FRMD4A: variants seen among roughly 807,000 people sequenced by gnomAD.
The protein encoded by FRMD4A is FERM domain containing 4A.
Under a neutral mutation model 129.1 loss-of-function variants are expected in FRMD4A, and 29 were observed. The ratio of observed to expected loss-of-function variants is 0.22; its 90% CI spans 0.17 to 0.31. The LOEUF (loss-of-function observed/expected upper bound fraction) is 0.31, where lower values mean the gene tolerates loss of function less well. FRMD4A is among the 10% of genes least tolerant of loss of function. The probability of loss-of-function intolerance (pLI) is 1.00; values close to 1 mark genes in which losing one functional copy is unlikely to be tolerated. For missense variants in FRMD4A, 1,272 were observed against 1,375.8 expected, an observed-to-expected ratio of 0.92 and a Z score of 1.19; for synonymous variants, 634 against 571.6, an observed-to-expected ratio of 1.11 and a Z score of -1.56.
chr10:14,060,790 A>G (rs911928529), intron 2 of FRMD4A, among the ~76,000 whole-genome samples: 4 of 152,206 alleles, frequency 2.6e-5, no homozygotes, highest in African/African-American at 9.7e-5. Context: ...CTGGCCACTT[A>G]TATAGAGAGG....
At chr10:13,772,778 A>C (rs1011662460) in intron 6 of FRMD4A, among the ~76,000 whole-genome samples, 1 of 152,192 alleles carries the variant, frequency 6.6e-6, no homozygotes, top group African/African-American at 2.4e-5. Flanking sequence ...ATGGAGACAG[A>C]ATAGAAGGAT....
intron 2 of FRMD4A, among the ~76,000 whole-genome samples, chr10:14,055,240 G>A (rs1035022294): frequency 2.0e-5 from 3 of 152,166 alleles, no homozygotes; most frequent in Admixed American, 6.5e-5. Flanking sequence ...TTCTTCCAAA[G>A]GAGATTCAAG....
intron 12 of FRMD4A, among the ~76,000 whole-genome samples, chr10:13,715,020 C>A (rs1359574628): frequency 6.6e-6 from 1 of 150,936 alleles, no homozygotes; most frequent in Non-Finnish European, 1.5e-5. Flanking sequence ...GCCTGGGCGA[C>A]AGAGGAAGAC....
chr10:13,851,055 C>T (rs1163116855), intron 3 of FRMD4A, among the ~76,000 whole-genome samples: 1 of 151,974 alleles, frequency 6.6e-6, no homozygotes, highest in Admixed American at 6.6e-5. Context: ...TCTTTACAAA[C>T]ACACAAAAAT....
chr10:14,329,062 CA>C (rs1456855248), intron 2 of FRMD4A, among the ~76,000 whole-genome samples: 1 of 152,200 alleles, frequency 6.6e-6, no homozygotes, highest in Non-Finnish European at 1.5e-5. Flanking sequence ...GCTTGCCACC[CA>C]GGGGGCAGGC....
chr10:13,831,935 C>CT (rs67517488), intron 3 of FRMD4A, among the ~76,000 whole-genome samples: 28,617 of 151,966 alleles, frequency 0.19, 2,925 homozygotes, highest in Non-Finnish European at 0.23. Flanking sequence ...GAGCTCAGGG[C>CT]TTTTTTAGCC....
At chr10:14,116,838 C>G (rs1838224262) in intron 2 of FRMD4A, among the ~76,000 whole-genome samples, 1 of 152,218 alleles carries the variant, frequency 6.6e-6, no homozygotes, top group South Asian at 2.1e-4. Context: ...CAAAGCTACA[C>G]CATCCAAAGA....
At chr10:14,052,012 G>A (rs1409139644) in intron 2 of FRMD4A, among the ~76,000 whole-genome samples, 1 of 152,204 alleles carries the variant, frequency 6.6e-6, no homozygotes, top group Admixed American at 6.5e-5. Flanking sequence ...AGCCCTTAAT[G>A]CAGTATAGCT....
At chr10:13,909,454 T>C (rs1194799190) in intron 2 of FRMD4A, among the ~76,000 whole-genome samples, 2 of 152,220 alleles carry the variant, frequency 1.3e-5, no homozygotes, top group African/African-American at 2.4e-5. Context: ...TGTCTTTACC[T>C]TTGCAATTGC....
At chr10:13,666,068 G>C (rs376499831) in intron 18 of FRMD4A, 29 bp downstream of exon 18, 2 of 1,391,132 alleles carry the variant, frequency 1.4e-6, no homozygotes, top group Admixed American at 1.7e-5. Flanking sequence ...GCGTGGGAGT[G>C]GGGTGGGGGC....
intron 2 of FRMD4A, among the ~76,000 whole-genome samples, chr10:14,084,651 CT>C (rs1234419688): frequency 6.6e-6 from 1 of 152,196 alleles, no homozygotes; most frequent in Admixed American, 6.5e-5. Context: ...ATACTCCTAC[CT>C]GCCTCCTTTA....
At chr10:14,090,317 G>A (rs1836587662) in intron 2 of FRMD4A, among the ~76,000 whole-genome samples, 1 of 151,730 alleles carries the variant, frequency 6.6e-6, no homozygotes, top group Non-Finnish European at 1.5e-5. Context: ...GTGAGAGCTA[G>A]GACTTGGAAA....
At chr10:14,179,290 T>C (rs1470546283) in intron 2 of FRMD4A, among the ~76,000 whole-genome samples, 1 of 152,226 alleles carries the variant, frequency 6.6e-6, no homozygotes, top group African/African-American at 2.4e-5. Context: ...GGTGAGAAGA[T>C]TGTGACCTAA....
At chr10:13,779,597 T>C (rs1339223520) in intron 6 of FRMD4A, among the ~76,000 whole-genome samples, 1 of 152,166 alleles carries the variant, frequency 6.6e-6, no homozygotes, top group Non-Finnish European at 1.5e-5. Context: ...CAGAAAAACA[T>C]CTGTTAATTT....
intron 2 of FRMD4A, among the ~76,000 whole-genome samples, chr10:14,048,872 GA>G (rs1565211068): frequency 1.5e-4 from 18 of 118,764 alleles, no homozygotes; most frequent in Non-Finnish European, 2.7e-4. Context: ...GAATAGAATA[GA>G]ATAGAATAGA....
chr10:14,285,619 C>A (rs935279676), intron 2 of FRMD4A, among the ~76,000 whole-genome samples: 1 of 152,244 alleles, frequency 6.6e-6, no homozygotes, highest in African/African-American at 2.4e-5. Flanking sequence ...GTCAACTCAT[C>A]TGACCATCTG....
At chr10:14,018,313 G>T (rs928504260) in intron 2 of FRMD4A, among the ~76,000 whole-genome samples, 2 of 151,340 alleles carry the variant, frequency 1.3e-5, no homozygotes, top group Non-Finnish European at 2.9e-5. Flanking sequence ...AAAATTAGCC[G>T]GGCATGGTGG....
At chr10:14,200,812 G>T (rs769825782) in intron 2 of FRMD4A, among the ~76,000 whole-genome samples, 3 of 152,150 alleles carry the variant, frequency 2.0e-5, no homozygotes, top group Non-Finnish European at 4.4e-5. Flanking sequence ...ACAGGGAAGC[G>T]TGGCTCCAGT....
rs907074131 is a variant in FRMD4A, at chr10:14,089,774, G to A, written c.46-230862C>T. On this transcript the variant is annotated intron_variant, in intron 2 of 24. Transcript: ENST00000357447. ...CCAACAGTGTGGAGTTATCAGATGGGACTGGTCCAGCTTTGTGGGGCCGGG... is the reference window on the plus strand; with the variant it reads ...CCAACAGTGTGGAGTTATCAGATGGAACTGGTCCAGCTTTGTGGGGCCGGG... Among the ~76,000 whole-genome samples, 110 of 152,196 alleles carry A rather than the reference G, an allele frequency of 7.2e-4. 5 individuals are homozygous for A. Among genetic ancestry groups the A allele is most frequent in the Non-Finnish European group, 1.5e-4 (10 of 68,028 alleles).
Sources: allele counts gnomAD v4.1 joint callset (sites outside exome capture counted in the v4.1 genomes callset), GRCh38; gene constraint gnomAD v4.1.1; transcripts MANE v1.5; gene names NCBI Gene and HGNC (gene_info 2026-07-23, HGNC 2026-07-21).